Variants in ACAD8 observed in about 807,000 individuals in gnomAD.
ACAD8 encodes isobutyryl-CoA dehydrogenase, mitochondrial.
A neutral mutation model predicts 53.1 loss-of-function variants in ACAD8; 47 were observed. That is an observed-to-expected ratio of 0.89 (90% confidence interval 0.70 to 1.13). The LOEUF is 1.13. Ranked by LOEUF, ACAD8 falls within the 50% of genes most tolerant of loss-of-function variation. The pLI, the probability that ACAD8 is intolerant of heterozygous loss-of-function variation, is 0.00. For missense variants in ACAD8, 494 were observed against 535.0 expected (o/e 0.92, Z 0.76); for synonymous variants, 198 against 201.3 (o/e 0.98, Z 0.14).
chr11:134,256,542 C>G lies in ACAD8; in HGVS notation c.110-6C>G. Reference sequence around the variant, plus strand: ...CCTAGAACAGTATATGCAATCCTGCCCACAGCTTCCATGGGACTTAATGAA... The same window carrying G: ...CCTAGAACAGTATATGCAATCCTGCGCACAGCTTCCATGGGACTTAATGAA... On this transcript the variant is annotated splice_region_variant and splice_polypyrimidine_tract_variant and intron_variant, in intron 1 of 10. Coordinates refer to ENST00000281182, the MANE Select transcript of ACAD8 (RefSeq NM_014384.3). The G allele has an allele frequency of 6.2e-7, 1 of 1,613,482 alleles. No homozygotes were observed. Among genetic ancestry groups the G allele is most frequent in the Non-Finnish European group, 8.5e-7 (1 of 1,179,420 alleles).
intron 4 of ACAD8, 58 bp from the exon 5 acceptor site, chr11:134,258,950 T>G (rs773027097): frequency 2.9e-6 from 4 of 1,377,556 alleles, no homozygotes; most frequent in African/African-American, 1.4e-5. Flanking sequence ...TGTGCTGGGC[T>G]CCCTCGACCT....
At chr11:134,257,011 A>G (rs1204355504) in intron 2 of ACAD8, 77 bp from the exon 3 acceptor site, 4 of 1,489,356 alleles carry the variant, frequency 2.7e-6, no homozygotes, top group Admixed American at 3.3e-5. Flanking sequence ...CAAGCCTCCT[A>G]ATCCCTCACT....
chr11:134,258,620 A>AC lies in ACAD8; in HGVS notation c.488dup (p.Gly164ArgfsTer5). The AC allele has an allele frequency of 6.2e-6, 10 of 1,613,012 alleles. No individual in the cohort carries two copies. The highest frequency in any genetic ancestry group is 8.5e-6 in the Non-Finnish European group (10 of 1,179,348). On this transcript the variant is annotated frameshift_variant, in exon 4 of 11. Transcript: ENST00000281182. LOFTEE classifies it high-confidence loss of function. The stretch of plus-strand genomic sequence containing the variant: ...AGTTTGCTTCCTACTGCCTCACTGA[A>AC]CCAGGTGAATTTGCCACACTGCACT...
In ACAD8 at chr11:134,259,045, T is replaced by C. The variant is rs1472727335; in HGVS notation, c.528T>C (p.Ala176=). Residue 176 remains alanine, a synonymous_variant, in exon 5 of 11, where the codon GCT becomes GCC. Coordinates refer to ENST00000281182, the MANE Select transcript of ACAD8 (RefSeq NM_014384.3). ...GSDAASLLTS[A]KKQGDHYILN... is the part of the protein sequence containing the mutation. Reference sequence around the variant, plus strand: ...ATGCTGCCTCTCTTCTGACCTCCGCTAAGAAACAGGGAGATCATTACATCC... The same window carrying C: ...ATGCTGCCTCTCTTCTGACCTCCGCCAAGAAACAGGGAGATCATTACATCC... 2.5e-6 allele frequency: 4 copies of C among 1,614,178 alleles called. No homozygotes were observed. The South Asian group carries it at 3.3e-5, about 13-fold the overall frequency.
At chr11:134,257,501 G>A (rs377623488) in intron 3 of ACAD8, among the ~76,000 whole-genome samples, 52 of 152,064 alleles carry the variant, frequency 3.4e-4, no homozygotes, top group African/African-American at 1.2e-3. Context: ...GTGAAACCCC[G>A]TCCCTGCTAA....
chr11:134,263,152 C>G (rs1440895243), intron 10 of ACAD8: 22 of 1,075,134 alleles, frequency 2.0e-5, no homozygotes, highest in Non-Finnish European at 2.5e-5. Flanking sequence ...AACATGGAAG[C>G]CGTTGGGGTC....
chr11:134,264,847 G>A, intron 10 of ACAD8, 61 bp from the exon 11 acceptor site: 1 of 1,500,776 alleles, frequency 6.7e-7, no homozygotes, highest in East Asian at 2.3e-5. Flanking sequence ...CCTGGTCAGA[G>A]CTTTACTAAA....
intron 2 of ACAD8, 156 bp downstream of exon 2, chr11:134,256,804 G>T (rs754298478): frequency 6.9e-6 from 5 of 729,432 alleles, no homozygotes; most frequent in South Asian, 3.8e-5. Context: ...TTCCTAGAAG[G>T]CATCCTGATC....
chr11:134,264,709 A>T (rs768977688), intron 10 of ACAD8, among the ~76,000 whole-genome samples, 199 bp from the exon 11 acceptor site: 31 of 152,122 alleles, frequency 2.0e-4, no homozygotes, highest in Middle Eastern at 3.2e-3. Flanking sequence ...AGAAGTTTTT[A>T]AAAAAGTATT....
chr11:134,257,245 T>A lies in ACAD8; in HGVS notation c.368T>A (p.Ile123Lys), dbSNP rs1353919966. 16 of 1,614,182 alleles carry A rather than the reference T, an allele frequency of 9.9e-6. No homozygotes were observed. The highest frequency in any genetic ancestry group is 1.1e-5 in the Non-Finnish European group (13 of 1,180,028). Residue 123 changes from isoleucine to lysine, a missense_variant, in exon 3 of 11, where the codon ATA becomes AAA. By Grantham distance (102) the Ile-to-Lys change is moderately radical. Coordinates refer to ENST00000281182, the MANE Select transcript of ACAD8 (RefSeq NM_014384.3). ...GGCTGCACCAGCACCACAGCCTATATAAGCATCCACAAGTGAGTGCCCAAG... is the reference window on the plus strand; with the variant it reads ...GGCTGCACCAGCACCACAGCCTATAAAAGCATCCACAAGTGAGTGCCCAAG... ...ATGCTSTTAYISIHNMCAWMI... is the reference protein window; with the variant it reads ...ATGCTSTTAYKSIHNMCAWMI...
rs77368661 is a variant in ACAD8, at chr11:134,261,186, T to C, written c.841+7T>C. 13,794 of 1,613,692 alleles carry C rather than the reference T, an allele frequency of 8.5e-3. 1,014 individuals carry two copies. The African/African-American group carries it at 0.16, about 19-fold the overall frequency. On this transcript the variant is annotated splice_region_variant and intron_variant, in intron 7 of 10. Coordinates refer to ENST00000281182, the MANE Select transcript of ACAD8 (RefSeq NM_014384.3). The surrounding 1 kb of genome is among the most constrained non-coding windows in gnomAD (Gnocchi z 4.2). ...GGAGGGAGGATCAATATTGGTGAGA[T>C]ACGCAGGGGTGTGGCAGGGAGGTAG... is the stretch of plus-strand genomic sequence containing the variant.
Position 134,262,583 on chromosome 11 carries a change from C to T in ACAD8, c.1156C>T (p.Gln386Ter), listed in dbSNP as rs965264870. 1.2e-6 allele frequency: 2 copies of T among 1,614,050 alleles called. No individual in the cohort carries two copies. The highest frequency in any genetic ancestry group is 1.7e-6 in the Non-Finnish European group (2 of 1,179,964). ...YGYLKDYAVQQYVRDSRVHQI... is the reference protein window; with the variant it reads ...YGYLKDYAVQ ...CTACCTGAAGGATTACGCTGTTCAG[C>T]AGTACGTGCGGGACTCCAGGGTCCA... Residue 386 changes from glutamine to a stop codon, truncating the protein, a stop_gained, in exon 10 of 11, where the codon CAG becomes TAG. Coordinates refer to ENST00000281182, the MANE Select transcript of ACAD8 (RefSeq NM_014384.3). LOFTEE classifies it high-confidence loss of function.
rs191725798 is a variant in ACAD8, at chr11:134,256,730, T to C, written c.210+82T>C. The C allele has an allele frequency of 8.1e-4, 1,016 of 1,254,416 alleles. 7 individuals are homozygous for C. In the African/African-American group the frequency reaches 0.013, roughly 16 times the overall value. The allele number at this position is 1,254,416 out of a possible 1,614,324, so 77.7% of individuals were successfully genotyped here. ...TATCTTTGTCTCCTGATAATGTAAT[T>C]GTTAAATGTCTCCTCCACTTACCAA... On this transcript the variant is annotated intron_variant, in intron 2 of 10. Transcript: ENST00000281182.
chr11:134,257,006 C>G lies in ACAD8; in HGVS notation c.211-82C>G, dbSNP rs1432441224. 5 of 1,447,822 alleles carry G rather than the reference C, an allele frequency of 3.5e-6. No homozygotes were observed. The Admixed American group carries it at 8.4e-5, about 24-fold the overall frequency. The allele number at this position is 1,447,822 out of a possible 1,614,324, so 89.7% of individuals were successfully genotyped here. ...TTCATACGCTGTCGCATGTGCAAGC[C>G]TCCTAATCCCTCACTGTGCCCTCTA... On this transcript the variant is annotated intron_variant, in intron 2 of 10. Coordinates refer to ENST00000281182, the MANE Select transcript of ACAD8 (RefSeq NM_014384.3).
chr11:134,261,187 A>G lies in ACAD8; in HGVS notation c.841+8A>G. ...GAGGGAGGATCAATATTGGTGAGAT[A>G]CGCAGGGGTGTGGCAGGGAGGTAGC... On this transcript the variant is annotated splice_region_variant and intron_variant, in intron 7 of 10. Coordinates refer to ENST00000281182, the MANE Select transcript of ACAD8 (RefSeq NM_014384.3). The surrounding 1 kb of genome is among the most constrained non-coding windows in gnomAD (Gnocchi z 4.2). The G allele has an allele frequency of 6.2e-7, 1 of 1,613,772 alleles. No homozygotes were observed. The highest frequency in any genetic ancestry group is 8.5e-7 in the Non-Finnish European group (1 of 1,179,894).
chr11:134,257,396 G>A (rs952779618), intron 3 of ACAD8, 139 bp downstream of exon 3: 24 of 1,106,888 alleles, frequency 2.2e-5, no homozygotes, highest in African/African-American at 1.2e-4. Context: ...TCTAGGGGCC[G>A]GGCGCAGTGG....
In ACAD8 at chr11:134,261,834, G is replaced by A. The variant is rs150537378; in HGVS notation, c.1036G>A (p.Asp346Asn). Residue 346 changes from aspartate to asparagine, a missense_variant, in exon 9 of 11, where the codon GAT (aspartate) becomes AAT (asparagine). Coordinates refer to ENST00000281182, the MANE Select transcript of ACAD8 (RefSeq NM_014384.3). The surrounding 1 kb of genome is among the most constrained non-coding windows in gnomAD (Gnocchi z 4.2). ...AGTGGCTCTGCAGGAGGAGAGGAAG[G>A]ATGCAGTGGCCTTGTGCTCCATGGC... ...AAVALQEERK[D>N]AVALCSMAKL... 36 of 1,614,098 alleles carry A rather than the reference G, an allele frequency of 2.2e-5. No individual in the cohort carries two copies. Among genetic ancestry groups the A allele is most frequent in the Admixed American group, 8.3e-5 (5 of 60,010 alleles).
At position 134,257,136 on chromosome 11, in the gene ACAD8, G is replaced by A. The variant is rs747139706; in HGVS notation, c.259G>A (p.Gly87Arg). 19 of 1,614,026 alleles carry A rather than the reference G, an allele frequency of 1.2e-5. 1 individual carries two copies. Among genetic ancestry groups the A allele is most frequent in the South Asian group, 5.5e-5 (5 of 91,084 alleles). ...GCGGAAGGCAGCCCAGCTAGGCTTCGGAGGGGTCTACATACAAACAGATGT... is the reference window on the plus strand; with the variant it reads ...GCGGAAGGCAGCCCAGCTAGGCTTCAGAGGGGTCTACATACAAACAGATGT... ...VMRKAAQLGF[G>R]GVYIQTDVGG... The change falls in exon 3 of 11, where the codon GGA becomes AGA. Residue 87 changes from glycine (G) to arginine (R), a missense_variant. Gly to Arg is a moderately radical substitution (Grantham distance 125). Coordinates refer to ENST00000281182, the MANE Select transcript of ACAD8 (RefSeq NM_014384.3).
chr11:134,258,705 C>T, intron 4 of ACAD8, 81 bp downstream of exon 4: 2 of 1,054,042 alleles, frequency 1.9e-6, no homozygotes, highest in Admixed American at 3.9e-5. Flanking sequence ...CTCCTTCCAG[C>T]CTCTTGACAT....
Sources: gnomAD v4.1 joint callset for allele counts (sites outside exome capture counted in the v4.1 genomes callset) on GRCh38, gnomAD v4.1.1 for gene constraint, Gnocchi (gnomAD v3.1) non-coding constraint, MANE v1.5 for transcripts, NCBI Gene and HGNC (gene_info 2026-07-23, HGNC 2026-07-21) for gene names.